RNF115: variants seen among roughly 807,000 people sequenced by gnomAD.
RNF115 encodes the protein E3 ubiquitin-protein ligase RNF115.
In RNF115, 31 loss-of-function variants were observed where a neutral mutation model predicts 39.2. That is an observed-to-expected ratio of 0.79 (90% CI 0.59 to 1.07). The LOEUF (loss-of-function observed/expected upper bound fraction) is 1.07, where lower values mean the gene tolerates loss of function less well. Among genes scored for constraint, RNF115 ranks in the 50% least tolerant of loss-of-function variants. RNF115 has a pLI of 0.00. For synonymous variants in RNF115, 124 were observed against 131.0 expected (o/e 0.95, Z 0.37); for missense variants, 384 against 381.7 (o/e 1.01, Z -0.05).
In RNF115 at chr1:145,812,834, T is replaced by A. The variant is rs61816209; in HGVS notation, c.102+10938A>T. 2.7e-5 allele frequency among the ~76,000 whole-genome samples: 4 copies of A among 147,766 alleles called. No individual in the cohort carries two copies. In the East Asian group the frequency reaches 8.1e-4, roughly 30 times the overall value. On this transcript the variant is annotated intron_variant, in intron 1 of 8. Coordinates refer to ENST00000582693, the MANE Select transcript of RNF115 (RefSeq NM_014455.4). ...TGGGGTTTCGCCATATCACCCAGGCTGGTCTCAAACTCCTGAGCTCAAGTT... is the reference window on the plus strand; with the variant it reads ...TGGGGTTTCGCCATATCACCCAGGCAGGTCTCAAACTCCTGAGCTCAAGTT...
chr1:145,788,670 G>C, intron 2 of RNF115: 1 of 637,798 alleles, frequency 1.6e-6, no homozygotes, highest in Non-Finnish European at 2.9e-6. Flanking sequence ...ATCAGGAGCA[G>C]TGCGTATCAC....
At chr1:145,786,910 C>A (rs1648406300) in intron 2 of RNF115, 1 of 451,812 alleles carries the variant, frequency 2.2e-6, no homozygotes, top group South Asian at 1.8e-5. Context: ...TGACATTTAA[C>A]TGTATCAAAA....
chr1:145,784,501 A>G (rs1648288843), intron 3 of RNF115, 38 bp downstream of exon 3: 1 of 1,575,536 alleles, frequency 6.3e-7, no homozygotes, highest in Non-Finnish European at 8.7e-7. Flanking sequence ...ACACCTAACC[A>G]CTTCTTAAAG....
chr1:145,748,076 A>G lies in RNF115; in HGVS notation c.702T>C (p.Asp234=). 6.2e-7 allele frequency: 1 copy of G among 1,613,658 alleles called. No individual in the cohort carries two copies. Among genetic ancestry groups the G allele is most frequent in the East Asian group, 2.2e-5 (1 of 44,876 alleles). ...GCCGGACTTCCTCTTCAACTGTGTA[A>G]TCTTCTTTGCATACTGGACACTCTA... ...MGLECPVCKE[D]YTVEEEVRQL... is the part of the protein sequence containing the mutation. The change falls in exon 8 of 9, where the codon GAT becomes GAC. Residue 234 remains aspartate (D), a synonymous_variant. Transcript: ENST00000582693.
chr1:145,822,124 C>T (rs193192444), intron 1 of RNF115, among the ~76,000 whole-genome samples: 11 of 152,020 alleles, frequency 7.2e-5, no homozygotes, highest in East Asian at 1.9e-4. Context: ...GTCAAGAGTT[C>T]GAGACCAGCC....
intron 6 of RNF115, among the ~76,000 whole-genome samples, chr1:145,750,818 A>G (rs782177930): frequency 2.6e-4 from 39 of 152,346 alleles, no homozygotes; most frequent in Middle Eastern, 3.4e-3. Context: ...ATAAAAAGTA[A>G]AATGTAACTG....
chr1:145,823,930 GCT>G lies in RNF115; in HGVS notation c.-59_-58del. 7.9e-7 allele frequency: 1 copy of G among 1,273,754 alleles called. No individual in the cohort carries two copies. The highest frequency in any genetic ancestry group is 1.0e-6 in the Non-Finnish European group (1 of 958,328). 78.9% of individuals were successfully genotyped at this position (1,273,754 alleles called of 1,614,324 possible). On this transcript the variant is annotated 5_prime_UTR_variant, in exon 1 of 9. Coordinates refer to ENST00000582693, the MANE Select transcript of RNF115 (RefSeq NM_014455.4). ...CAGCCGGCCCGTCCCTCGCCAGGCC[GCT>G]ACCTCCCGAGCTGCAGTCGTCGCCG...
At chr1:145,747,765 A>C (rs1657928892) in intron 8 of RNF115, among the ~76,000 whole-genome samples, 1 of 152,192 alleles carries the variant, frequency 6.6e-6, no homozygotes, top group African/African-American at 2.4e-5. Context: ...AACCAAATGA[A>C]CATAGCTGTG....
At chr1:145,779,955 C>T (rs957533969) in intron 3 of RNF115, among the ~76,000 whole-genome samples, 3 of 151,672 alleles carry the variant, frequency 2.0e-5, no homozygotes, top group Non-Finnish European at 2.9e-5. Context: ...GGCCCAGGCA[C>T]GGTGACTCAA....
chr1:145,769,998 A>G (rs1553715515), intron 4 of RNF115, among the ~76,000 whole-genome samples: 1 of 152,112 alleles, frequency 6.6e-6, no homozygotes, highest in Non-Finnish European at 1.5e-5. Flanking sequence ...ACAAAGTGAG[A>G]CCCTGTTTCC....
chr1:145,772,049 G>A, intron 3 of RNF115, 130 bp from the exon 4 acceptor site: 1 of 733,202 alleles, frequency 1.4e-6, no homozygotes, highest in Non-Finnish European at 2.2e-6. Flanking sequence ...AGAGGTACCA[G>A]AGTTTCTATA....
At chr1:145,767,073 A>AC (rs1318642446) in intron 4 of RNF115, among the ~76,000 whole-genome samples, 19 of 128,372 alleles carry the variant, frequency 1.5e-4, no homozygotes, top group Non-Finnish European at 2.3e-4. Context: ...CAGGGGGCTG[A>AC]CCCCCCCACC....
chr1:145,811,369 A>G (rs1470777672), intron 1 of RNF115, among the ~76,000 whole-genome samples: 17 of 147,516 alleles, frequency 1.2e-4, no homozygotes, highest in South Asian at 2.1e-4. Context: ...AAAAAAAAAA[A>G]AAAAAAGAAA....
At chr1:145,783,279 C>G (rs1242254486) in intron 3 of RNF115, among the ~76,000 whole-genome samples, 1 of 152,084 alleles carries the variant, frequency 6.6e-6, no homozygotes, top group Non-Finnish European at 1.5e-5. Context: ...CAGAGTTAAC[C>G]AAAACTCTTA....
At chr1:145,819,423 G>A (rs1396578665) in intron 1 of RNF115, among the ~76,000 whole-genome samples, 2 of 152,020 alleles carry the variant, frequency 1.3e-5, no homozygotes, top group African/African-American at 4.8e-5. Context: ...CTGAACTCCA[G>A]TATGGGCGAC....
intron 6 of RNF115, among the ~76,000 whole-genome samples, chr1:145,750,775 G>C (rs1175654141): frequency 6.6e-6 from 1 of 152,178 alleles, no homozygotes; most frequent in Admixed American, 6.5e-5. Flanking sequence ...GGCAGCAAAA[G>C]GGTTGTGGTG....
intron 1 of RNF115, among the ~76,000 whole-genome samples, chr1:145,811,897 AAAAAAAAAAAAAT>A (rs1182996053): frequency 9.4e-6 from 1 of 105,936 alleles, no homozygotes; most frequent in African/African-American, 3.1e-5. Context: ...AAAAAAAAAA[AAAAAAAAAAAAAT>A]ATATATATAT....
chr1:145,775,327 C>T (rs1553716365), intron 3 of RNF115, among the ~76,000 whole-genome samples: 2 of 150,548 alleles, frequency 1.3e-5, no homozygotes, highest in Non-Finnish European at 3.0e-5. Context: ...AAGAAATTAA[C>T]AACAATAACT....
chr1:145,762,713 C>G (rs1398245590), intron 4 of RNF115, among the ~76,000 whole-genome samples: 2 of 151,520 alleles, frequency 1.3e-5, no homozygotes, highest in Admixed American at 6.6e-5. Context: ...AAAGTCAGTT[C>G]TCAAAATCTG....
Sources: gnomAD v4.1 joint callset for allele counts (sites outside exome capture counted in the v4.1 genomes callset) on GRCh38, gnomAD v4.1.1 for gene constraint, MANE v1.5 for transcripts, NCBI Gene and HGNC (gene_info 2026-07-23, HGNC 2026-07-21) for gene names.